The following MAN2A1 variants were observed in gnomAD, a reference collection of about 807,000 sequenced individuals.
The protein encoded by MAN2A1 is alpha-mannosidase 2.
In MAN2A1, 76 loss-of-function variants were observed where a neutral mutation model predicts 142.6. The observed-to-expected ratio is 0.53, with a 90% CI of 0.44 to 0.65. The LOEUF (loss-of-function observed/expected upper bound fraction) is 0.65, where lower values mean the gene tolerates loss of function less well. Among genes scored for constraint, MAN2A1 ranks in the 30% least tolerant of loss-of-function variants. The probability of loss-of-function intolerance (pLI) is 0.00; values close to 1 mark genes in which losing one functional copy is unlikely to be tolerated. For missense variants in MAN2A1, 1,311 were observed against 1,365.1 expected, an observed-to-expected ratio of 0.96 and a Z score of 0.62; for synonymous variants, 559 against 473.2, an observed-to-expected ratio of 1.18 and a Z score of -2.35.
At chr5:109,843,057 C>T (rs1468140362) in intron 17 of MAN2A1, among the ~76,000 whole-genome samples, 2 of 152,052 alleles carry the variant, frequency 1.3e-5, no homozygotes, top group Non-Finnish European at 2.9e-5. Context: ...CTGCCCACCT[C>T]GCCCTTTCAA....
At chr5:109,776,463 T>C (rs1043628945) in intron 8 of MAN2A1, among the ~76,000 whole-genome samples, 3 of 152,092 alleles carry the variant, frequency 2.0e-5, no homozygotes, top group Non-Finnish European at 4.4e-5. Context: ...TATATGAGTA[T>C]CTTATCTGTA....
At chr5:109,831,013 G>C (rs1469519721) in intron 16 of MAN2A1, among the ~76,000 whole-genome samples, 2 of 152,204 alleles carry the variant, frequency 1.3e-5, no homozygotes, top group Non-Finnish European at 2.9e-5. Flanking sequence ...GAAGGGCACA[G>C]GGATGGGGGA....
Position 109,709,887 on chromosome 5 carries a change from C to G in MAN2A1, c.136-3633C>G, listed in dbSNP as rs186898571. Among the ~76,000 whole-genome samples the G allele has an allele frequency of 4.1e-4, 63 of 152,242 alleles. 1 individual carries two copies. Among genetic ancestry groups the G allele is most frequent in the Middle Eastern group, 6.8e-3 (2 of 294 alleles). Reference sequence around the variant, plus strand: ...CAGAAAATTGTCTTTTTCAATGTTACTATAAGTATTCTTTGACTTCTCAGC... The same window carrying G: ...CAGAAAATTGTCTTTTTCAATGTTAGTATAAGTATTCTTTGACTTCTCAGC... On this transcript the variant is annotated intron_variant, in intron 1 of 21. Coordinates refer to ENST00000261483, the MANE Select transcript of MAN2A1 (RefSeq NM_002372.4).
intron 8 of MAN2A1, among the ~76,000 whole-genome samples, chr5:109,778,063 G>A (rs1370831663): frequency 2.0e-5 from 3 of 147,996 alleles, no homozygotes; most frequent in African/African-American, 7.6e-5. Flanking sequence ...ATAGGTGTAG[G>A]TCATCTTTTA....
intron 1 of MAN2A1, among the ~76,000 whole-genome samples, chr5:109,707,189 C>G (rs902273037): frequency 6.6e-6 from 1 of 152,150 alleles, no homozygotes; most frequent in Admixed American, 6.5e-5. Context: ...CCCAAACAGC[C>G]CATGAAAACC....
chr5:109,796,812 A>G (rs551459101), intron 12 of MAN2A1, among the ~76,000 whole-genome samples: 2 of 152,282 alleles, frequency 1.3e-5, no homozygotes, highest in South Asian at 4.1e-4. Context: ...ATGTGAGCCT[A>G]TTATTCACCC....
In MAN2A1 at chr5:109,796,292, T is replaced by A. The variant is rs866514955; in HGVS notation, c.1943+6765T>A. On this transcript the variant is annotated intron_variant, in intron 12 of 21. Coordinates refer to ENST00000261483, the MANE Select transcript of MAN2A1 (RefSeq NM_002372.4). ...TGGAACCACAGAAGATTATCACATG[T>A]TTGGTTATGCAGAAAATATGAAAAC... Among the ~76,000 whole-genome samples, 21 of 152,282 alleles carry A rather than the reference T, an allele frequency of 1.4e-4. 1 individual carries two copies. Among genetic ancestry groups the A allele is most frequent in the Middle Eastern group, 3.4e-3 (1 of 294 alleles).
intron 4 of MAN2A1, among the ~76,000 whole-genome samples, chr5:109,737,064 T>TA (rs2112598350): frequency 6.6e-6 from 1 of 151,762 alleles, no homozygotes; most frequent in South Asian, 2.1e-4. Context: ...TTTAATGTCT[T>TA]ATGGCCATAG....
At position 109,803,044 on chromosome 5, in the gene MAN2A1, T is replaced by G. The variant is rs143898746; in HGVS notation, c.1943+13517T>G. On this transcript the variant is annotated intron_variant, in intron 12 of 21. Coordinates refer to ENST00000261483, the MANE Select transcript of MAN2A1 (RefSeq NM_002372.4). ...CTCACACATTGATTTTTAAGTGATATGCAGTGTGGGATTTGCCTTAGTGCT... is the reference window on the plus strand; with the variant it reads ...CTCACACATTGATTTTTAAGTGATAGGCAGTGTGGGATTTGCCTTAGTGCT... Among the ~76,000 whole-genome samples, 192 of 152,192 alleles carry G rather than the reference T, an allele frequency of 1.3e-3. 2 individuals carry two copies. The highest frequency in any genetic ancestry group is 1.5e-3 in the Non-Finnish European group (105 of 67,930).
chr5:109,781,204 G>T (rs1753446516), intron 8 of MAN2A1, among the ~76,000 whole-genome samples, 192 bp from the exon 9 acceptor site: 1 of 151,764 alleles, frequency 6.6e-6, no homozygotes, highest in East Asian at 1.9e-4. Flanking sequence ...TTTAATTTGG[G>T]CCTTAATGTA....
chr5:109,843,245 A>C (rs1192429464), intron 17 of MAN2A1, among the ~76,000 whole-genome samples: 1 of 152,222 alleles, frequency 6.6e-6, no homozygotes. Context: ...TCGTAGAGGA[A>C]GGGGAAGCAG....
rs139308748 is a variant in MAN2A1 at position 109,765,613 on chromosome 5, C to T, written c.836-1922C>T. Reference sequence around the variant, plus strand: ...TAAATATTCTATACCTCAGCCATCTCTCATGTTTATGTTTTAGTGTCCATT... The same window carrying T: ...TAAATATTCTATACCTCAGCCATCTTTCATGTTTATGTTTTAGTGTCCATT... On this transcript the variant is annotated intron_variant, in intron 5 of 21. Transcript: ENST00000261483. 2.8e-3 allele frequency among the ~76,000 whole-genome samples: 425 copies of T among 152,244 alleles called. 3 individuals carry two copies. The highest frequency in any genetic ancestry group is 9.8e-3 in the African/African-American group (408 of 41,558).
intron 4 of MAN2A1, among the ~76,000 whole-genome samples, chr5:109,731,398 A>G (rs781618876): frequency 6.6e-6 from 1 of 151,578 alleles, no homozygotes; most frequent in East Asian, 1.9e-4. Flanking sequence ...TTTAGGGTAC[A>G]TGTGCACAAT....
chr5:109,725,496 T>C (rs932815067), intron 3 of MAN2A1, among the ~76,000 whole-genome samples: 3 of 152,204 alleles, frequency 2.0e-5, no homozygotes, highest in African/African-American at 4.8e-5. Context: ...GAGAGACTTA[T>C]AAGAATCCCA....
At chr5:109,815,413 G>A (rs1754427470) in intron 12 of MAN2A1, among the ~76,000 whole-genome samples, 1 of 152,132 alleles carries the variant, frequency 6.6e-6, no homozygotes, top group South Asian at 2.1e-4. Flanking sequence ...AAATATGTTT[G>A]TGACTATGTG....
At position 109,819,751 on chromosome 5, in the gene MAN2A1, C is replaced by T. The variant is rs1373640211; in HGVS notation, c.2192C>T (p.Ala731Val). The change falls in exon 14 of 22, where the codon GCT (alanine) becomes GTT (valine). Residue 731 changes from alanine (A) to valine (V), a missense_variant. Transcript: ENST00000261483. ...LESASSNSHL[A>V]DYVLYKNKVE... ...TCAGCAAGTTCAAATTCACATTTAGCTGATTATGTCTTGTATAAGAATAAA... is the reference window on the plus strand; with the variant it reads ...TCAGCAAGTTCAAATTCACATTTAGTTGATTATGTCTTGTATAAGAATAAA... 1.9e-6 allele frequency: 3 copies of T among 1,611,094 alleles called. No homozygotes were observed. The highest frequency in any genetic ancestry group is 2.5e-6 in the Non-Finnish European group (3 of 1,178,118).
chr5:109,863,146 T>C (rs1410430530), intron 20 of MAN2A1: 1 of 152,192 alleles, frequency 6.6e-6, no homozygotes, highest in Non-Finnish European at 1.5e-5. Flanking sequence ...TTTAGGTTAG[T>C]AGTGATATGT....
chr5:109,832,197 G>C lies in MAN2A1; in HGVS notation c.2566+8360G>C, dbSNP rs1454800890. Among the ~76,000 whole-genome samples the C allele has an allele frequency of 1.8e-4, 10 of 56,636 alleles. No homozygotes were observed. The Admixed American group carries it at 2.3e-3, about 13-fold the overall frequency. The allele number at this position is 56,636 out of a possible 152,430, so 37.2% of individuals were successfully genotyped here. A position where few individuals can be genotyped will look rare whatever the true frequency, so the allele number is the denominator to read the frequency against. On this transcript the variant is annotated intron_variant, in intron 16 of 21. Coordinates refer to ENST00000261483, the MANE Select transcript of MAN2A1 (RefSeq NM_002372.4). ...TTTTTTTTTTTTTTTAGTATTTATT[G>C]ATCATTCTTGGGTGTTTCTCGGAGA... is the stretch of plus-strand genomic sequence containing the variant.
At chr5:109,800,999 T>C (rs751240683) in intron 12 of MAN2A1, among the ~76,000 whole-genome samples, 6 of 152,244 alleles carry the variant, frequency 3.9e-5, no homozygotes, top group Non-Finnish European at 7.3e-5. Flanking sequence ...GTGAAGTTTT[T>C]TGTACTTGTT....
Sources: gnomAD v4.1 joint callset for allele counts (sites outside exome capture counted in the v4.1 genomes callset) on GRCh38, gnomAD v4.1.1 for gene constraint, MANE v1.5 for transcripts, NCBI Gene and HGNC (gene_info 2026-07-23, HGNC 2026-07-21) for gene names.